Variants in CMPK2 observed in about 807,000 individuals in gnomAD.
The protein encoded by CMPK2 is cytidine/uridine monophosphate kinase 2, also known as UMP-CMP kinase 2, mitochondrial.
In CMPK2, 32 loss-of-function variants were observed where a neutral mutation model predicts 33.4. The observed-to-expected ratio is 0.96, with a 90% confidence interval of 0.72 to 1.29. CMPK2 has a LOEUF of 1.29. Ranked by LOEUF, CMPK2 falls within the 50% of genes most tolerant of loss-of-function variation. The pLI is 0.00. For synonymous variants in CMPK2, 299 were observed against 275.3 expected (o/e 1.09, Z -0.85); for missense variants, 672 against 616.0 (o/e 1.09, Z -0.96).
intron 3 of CMPK2, among the ~76,000 whole-genome samples, chr2:6,856,406 G>A (rs1572138813): frequency 1.3e-5 from 2 of 152,160 alleles, no homozygotes; most frequent in Admixed American, 6.5e-5. Flanking sequence ...CTGGGTGGGG[G>A]CAGAACAGGG....
intron 3 of CMPK2, among the ~76,000 whole-genome samples, chr2:6,859,271 C>T (rs992492924): frequency 1.3e-5 from 2 of 152,294 alleles, no homozygotes; most frequent in African/African-American, 4.8e-5. Flanking sequence ...TGCAGCCTGA[C>T]AATGTGATAG....
chr2:6,859,434 C>T (rs1662807613), intron 3 of CMPK2, among the ~76,000 whole-genome samples: 1 of 152,098 alleles, frequency 6.6e-6, no homozygotes. Flanking sequence ...ATCACAGACC[C>T]CGAGGTTTAG....
At chr2:6,856,932 A>G (rs984785488) in intron 3 of CMPK2, among the ~76,000 whole-genome samples, 3 of 152,206 alleles carry the variant, frequency 2.0e-5, no homozygotes, top group African/African-American at 7.2e-5. Flanking sequence ...AGGTTTTTCA[A>G]ATTTTGCAAC....
chr2:6,846,976 A>G (rs1662377174), downstream of CMPK2, among the ~76,000 whole-genome samples: 1 of 152,192 alleles, frequency 6.6e-6, no homozygotes, highest in African/African-American at 2.4e-5. Flanking sequence ...TTCCAAGAAG[A>G]TTAAGGAGTG....
chr2:6,859,506 T>G (rs898333149), intron 3 of CMPK2, among the ~76,000 whole-genome samples: 1 of 152,304 alleles, frequency 6.6e-6, no homozygotes, highest in Non-Finnish European at 1.5e-5. Context: ...AGAGACTTGG[T>G]GCCCTGTGTC....
chr2:6,865,913 A>T (rs1268519254), upstream of CMPK2: 16 of 1,407,900 alleles, frequency 1.1e-5, no homozygotes, highest in Non-Finnish European at 1.5e-5. Flanking sequence ...GATGTGCGCG[A>T]TAAACGGCCG....
chr2:6,864,933 C>T (rs997937391), intron 1 of CMPK2, 89 bp downstream of exon 1: 5 of 1,335,242 alleles, frequency 3.7e-6, no homozygotes, highest in Non-Finnish European at 4.8e-6. Flanking sequence ...AGGCAAGAAC[C>T]GGCTCTACAG....
At chr2:6,850,645 G>A (rs1040454530) in intron 4 of CMPK2, 37 of 653,078 alleles carry the variant, frequency 5.7e-5, no homozygotes, top group African/African-American at 5.1e-4. Flanking sequence ...GACTGAAACC[G>A]TACCTTCCTT....
intron 1 of CMPK2, among the ~76,000 whole-genome samples, chr2:6,863,997 AG>A (rs1377913982): frequency 1.3e-5 from 2 of 152,228 alleles, no homozygotes; most frequent in African/African-American, 4.8e-5. Context: ...CTAGCCATTC[AG>A]GGGGCTGAGA....
At chr2:6,844,889 G>T (rs932410118), downstream of CMPK2, among the ~76,000 whole-genome samples, 10 of 152,204 alleles carry the variant, frequency 6.6e-5, no homozygotes, top group African/African-American at 2.4e-4. Flanking sequence ...GTCCAAAGTT[G>T]GGAATTCCTT....
chr2:6,858,599 G>T (rs1484649488), intron 3 of CMPK2, among the ~76,000 whole-genome samples: 1 of 152,166 alleles, frequency 6.6e-6, no homozygotes, highest in Non-Finnish European at 1.5e-5. Flanking sequence ...AGTCTCACAA[G>T]ATCTGATGGT....
chr2:6,857,314 G>A (rs1036366575), intron 3 of CMPK2, among the ~76,000 whole-genome samples: 9 of 145,870 alleles, frequency 6.2e-5, no homozygotes, highest in African/African-American at 2.3e-4. Flanking sequence ...TTTGTTTTTT[G>A]TTTTATTGTT....
At chr2:6,862,758 G>C (rs1356722604) in intron 2 of CMPK2, among the ~76,000 whole-genome samples, 1 of 152,174 alleles carries the variant, frequency 6.6e-6, no homozygotes, top group Admixed American at 6.5e-5. Flanking sequence ...GGGTTCACAA[G>C]TACCTCTATA....
At chr2:6,844,088 T>G (rs1662297068), downstream of CMPK2, among the ~76,000 whole-genome samples, 1 of 152,172 alleles carries the variant, frequency 6.6e-6, no homozygotes, top group Non-Finnish European at 1.5e-5. Flanking sequence ...TGAGGTGGCT[T>G]CTTCTTGCTG....
chr2:6,857,630 TTTTC>T (rs1264531812), intron 3 of CMPK2, among the ~76,000 whole-genome samples: 1 of 63,056 alleles, frequency 1.6e-5, no homozygotes, highest in Non-Finnish European at 3.3e-5. Context: ...AAGCTATTTC[TTTTC>T]TTTTCTTTTT....
rs1663019829 is a variant in CMPK2 at position 6,865,092 on chromosome 2, G to C, written c.605C>G (p.Pro202Arg). 3.3e-6 allele frequency: 5 copies of C among 1,493,208 alleles called. No individual in the cohort carries two copies. Among genetic ancestry groups the C allele is most frequent in the South Asian group, 2.6e-5 (2 of 76,270 alleles). The allele number at this position is 1,493,208 out of a possible 1,614,324, so 92.5% of individuals were successfully genotyped here. Residue 202 changes from proline to arginine, a missense_variant, in exon 1 of 5, where the codon CCG (proline) becomes CGG (arginine). Pro to Arg is a moderately radical substitution (Grantham distance 103). Transcript: ENST00000256722. ...VVPVPEPPLH[P>R]VVPDLPSSVV... ...GGAACTGGGCAAGTCTGGCACCACCGGGTGCAGCGGGGGCTCCGGGACGGG... is the reference window on the plus strand; with the variant it reads ...GGAACTGGGCAAGTCTGGCACCACCCGGTGCAGCGGGGGCTCCGGGACGGG...
chr2:6,841,107 C>T (rs1036409910), intron 3 of CMPK2, among the ~76,000 whole-genome samples: 8 of 152,090 alleles, frequency 5.3e-5, no homozygotes, highest in African/African-American at 1.9e-4. Context: ...GCTTTTGAGA[C>T]CCCTTGGGTA....
At position 6,865,582 on chromosome 2, in the gene CMPK2, C is replaced by A. The variant is rs1384637942; in HGVS notation, c.115G>T (p.Asp39Tyr). The change falls in exon 1 of 5, where the codon GAC becomes TAC. Residue 39 changes from aspartate to tyrosine, a missense_variant. Asp to Tyr is a radical substitution (Grantham distance 160, BLOSUM62 -3). Coordinates refer to ENST00000256722, the MANE Select transcript of CMPK2 (RefSeq NM_207315.4). ...AGGGCGAAGTGAGCCAGGGTGCAGT[C>A]GGGAAGCTCCAGGACGAAGCGGCGC... is the stretch of plus-strand genomic sequence containing the variant. Reference protein sequence around the residue: ...PPRRFVLELPDCTLAHFALGA... With the variant: ...PPRRFVLELPYCTLAHFALGA... 7.2e-7 allele frequency: 1 copy of A among 1,382,422 alleles called. No homozygotes were observed. The highest frequency in any genetic ancestry group is 9.4e-7 in the Non-Finnish European group (1 of 1,067,770). 85.6% of individuals were successfully genotyped at this position (1,382,422 alleles called of 1,614,324 possible).
chr2:6,863,378 A>C (rs1054669067), intron 2 of CMPK2, 86 bp downstream of exon 2: 1 of 1,140,888 alleles, frequency 8.8e-7, no homozygotes, highest in Non-Finnish European at 1.3e-6. Flanking sequence ...GCTCCATATA[A>C]AGTTTGGTTT....
Sources: allele counts gnomAD v4.1 joint callset (sites outside exome capture counted in the v4.1 genomes callset), GRCh38; gene constraint gnomAD v4.1.1; transcripts MANE v1.5; gene names NCBI Gene and HGNC (gene_info 2026-07-23, HGNC 2026-07-21).